GALNTL6: variants seen among roughly 807,000 people sequenced by gnomAD.
The protein encoded by GALNTL6 is polypeptide N-acetylgalactosaminyltransferase-like 6.
GALNTL6 carries 46 observed loss-of-function variants against 73.7 expected under a neutral mutation model. That is an observed-to-expected ratio of 0.62 (90% confidence interval 0.49 to 0.80). The LOEUF (loss-of-function observed/expected upper bound fraction) is 0.80. Ranked by LOEUF, GALNTL6 falls within the 30% of genes least tolerant of loss-of-function variation. The probability of loss-of-function intolerance (pLI) is 0.00; values close to 1 mark genes in which losing one functional copy is unlikely to be tolerated. For synonymous variants in GALNTL6, 259 were observed against 263.7 expected, an observed-to-expected ratio of 0.98 and a Z score of 0.17; for missense variants, 604 against 755.0, an observed-to-expected ratio of 0.80 and a Z score of 2.34.
chr4:172,292,657 G>T (rs567741173), intron 3 of GALNTL6, among the ~76,000 whole-genome samples: 1 of 152,124 alleles, frequency 6.6e-6, no homozygotes, highest in East Asian at 1.9e-4. Context: ...AAGGAATGAA[G>T]AAAATTTTAT....
At chr4:172,765,918 G>C (rs1035967859) in intron 5 of GALNTL6, among the ~76,000 whole-genome samples, 1 of 151,244 alleles carries the variant, frequency 6.6e-6, no homozygotes, top group African/African-American at 2.4e-5. Flanking sequence ...AAAAAGAAAA[G>C]ACACCATATT....
At chr4:172,697,659 A>G (rs1733775618) in intron 5 of GALNTL6, among the ~76,000 whole-genome samples, 3 of 152,198 alleles carry the variant, frequency 2.0e-5, no homozygotes. Flanking sequence ...CAGGCTTTCT[A>G]CAAAGAGAAG....
At chr4:172,408,344 A>G (rs1322081987) in intron 5 of GALNTL6, among the ~76,000 whole-genome samples, 1 of 152,028 alleles carries the variant, frequency 6.6e-6, no homozygotes, top group Non-Finnish European at 1.5e-5. Context: ...ATACAGATAT[A>G]ACTGATGGTA....
intron 7 of GALNTL6, among the ~76,000 whole-genome samples, chr4:172,822,217 G>A (rs1741971790): frequency 6.6e-6 from 1 of 152,038 alleles, no homozygotes; most frequent in Non-Finnish European, 1.5e-5. Context: ...AGTTTGTCTT[G>A]GTCTCTTGAG....
intron 5 of GALNTL6, among the ~76,000 whole-genome samples, chr4:172,768,497 G>A (rs1327162502): frequency 6.6e-6 from 1 of 152,152 alleles, no homozygotes; most frequent in Non-Finnish European, 1.5e-5. Flanking sequence ...AAAATGAAAA[G>A]TACACACTCA....
At position 172,096,239 on chromosome 4, in the gene GALNTL6, G is replaced by T. The variant is rs143079231; in HGVS notation, c.139-133417G>T. ...CCACCTCAGCCTCCCAAATAGCTAG[G>T]ACTACCGGTGCATGCCCCCATGCCT... On this transcript the variant is annotated intron_variant, in intron 2 of 12. Transcript: ENST00000506823. Among the ~76,000 whole-genome samples, 412 of 152,134 alleles carry T rather than the reference G, an allele frequency of 2.7e-3. 4 individuals are homozygous for T. The highest frequency in any genetic ancestry group is 0.019 in the Admixed American group (294 of 15,266).
intron 12 of GALNTL6, among the ~76,000 whole-genome samples, chr4:173,033,727 G>A (rs964200319): frequency 6.6e-6 from 1 of 152,132 alleles, no homozygotes; most frequent in African/African-American, 2.4e-5. Flanking sequence ...GATTAAAACT[G>A]GTTTCTTAAT....
intron 2 of GALNTL6, among the ~76,000 whole-genome samples, chr4:171,915,144 G>T (rs1050643037): frequency 6.6e-6 from 1 of 152,086 alleles, no homozygotes; most frequent in African/African-American, 2.4e-5. Flanking sequence ...AAAAATGTAT[G>T]TTCATATATC....
At chr4:172,253,354 AAAG>A (rs1737948497) in intron 3 of GALNTL6, among the ~76,000 whole-genome samples, 1 of 151,898 alleles carries the variant, frequency 6.6e-6, no homozygotes, top group Admixed American at 6.6e-5. Context: ...ATCTAAGCAA[AAAG>A]AAGGAGAAAC....
chr4:172,889,988 G>T (rs1332471409), intron 8 of GALNTL6, among the ~76,000 whole-genome samples: 1 of 152,078 alleles, frequency 6.6e-6, no homozygotes, highest in Non-Finnish European at 1.5e-5. Context: ...TTGGGAGTCT[G>T]TGTACTTCCA....
At chr4:172,328,718 AGT>A (rs1199069082) in intron 4 of GALNTL6, among the ~76,000 whole-genome samples, 4 of 152,004 alleles carry the variant, frequency 2.6e-5, no homozygotes, top group East Asian at 3.9e-4. Context: ...AAATTCTCGT[AGT>A]GTGTTTTTTC....
At chr4:172,907,249 A>T (rs1181146065) in intron 8 of GALNTL6, among the ~76,000 whole-genome samples, 1 of 152,198 alleles carries the variant, frequency 6.6e-6, no homozygotes, top group East Asian at 1.9e-4. Flanking sequence ...GAAATTCTTC[A>T]AATTGAATAT....
intron 5 of GALNTL6, among the ~76,000 whole-genome samples, chr4:172,568,828 G>A (rs999234444): frequency 2.7e-5 from 4 of 150,238 alleles, no homozygotes; most frequent in African/African-American, 7.3e-5. Context: ...CATGACCTGT[G>A]GGCCACATGC....
chr4:172,484,123 G>T (rs985916270), intron 5 of GALNTL6, among the ~76,000 whole-genome samples: 1 of 152,102 alleles, frequency 6.6e-6, no homozygotes, highest in East Asian at 1.9e-4. Flanking sequence ...TTTTGAAACA[G>T]ATTCCTTTTC....
chr4:172,986,973 A>G (rs779511147), intron 10 of GALNTL6, among the ~76,000 whole-genome samples: 1 of 152,232 alleles, frequency 6.6e-6, no homozygotes, highest in Admixed American at 6.5e-5. Flanking sequence ...CAGTCAGTCC[A>G]AACTGTAGAA....
chr4:172,947,348 G>A (rs1749215494), intron 9 of GALNTL6, among the ~76,000 whole-genome samples: 1 of 152,136 alleles, frequency 6.6e-6, no homozygotes, highest in Non-Finnish European at 1.5e-5. Context: ...TGAAGTGAAG[G>A]ATGAATGTGT....
intron 5 of GALNTL6, among the ~76,000 whole-genome samples, chr4:172,357,142 C>T (rs1201130962): frequency 6.6e-6 from 1 of 152,144 alleles, no homozygotes; most frequent in Non-Finnish European, 1.5e-5. Context: ...GGGGGCCAAT[C>T]AGCGCCTTCC....
At chr4:172,626,318 G>A (rs1739169670) in intron 5 of GALNTL6, among the ~76,000 whole-genome samples, 2 of 152,092 alleles carry the variant, frequency 1.3e-5, no homozygotes, top group Non-Finnish European at 2.9e-5. Flanking sequence ...TTGCAGATCA[G>A]ATGGCTGCAG....
intron 4 of GALNTL6, among the ~76,000 whole-genome samples, chr4:172,327,904 A>G (rs1248418689): frequency 6.6e-6 from 1 of 151,972 alleles, no homozygotes; most frequent in African/African-American, 2.4e-5. Flanking sequence ...TAATATTGAT[A>G]TGTGTCGATA....
Sources: gnomAD v4.1 joint callset for allele counts (sites outside exome capture counted in the v4.1 genomes callset) on GRCh38, gnomAD v4.1.1 for gene constraint, MANE v1.5 for transcripts, NCBI Gene and HGNC (gene_info 2026-07-23, HGNC 2026-07-21) for gene names.